Variants in CLEC16A observed in about 807,000 individuals in gnomAD.
CLEC16A encodes protein CLEC16A.
Under a neutral mutation model 109.5 loss-of-function variants are expected in CLEC16A, and 51 were observed. The ratio of observed to expected loss-of-function variants is 0.47; its 90% CI spans 0.37 to 0.59. The LOEUF is 0.59. Among genes scored for constraint, CLEC16A ranks in the 20% least tolerant of loss-of-function variants. The probability of loss-of-function intolerance (pLI) is 0.00; values close to 1 mark genes in which losing one functional copy is unlikely to be tolerated. For missense variants in CLEC16A, 1,339 were observed against 1,394.0 expected (o/e 0.96, Z 0.63); for synonymous variants, 673 against 564.2 (o/e 1.19, Z -2.73).
chr16:11,059,227 T>G (rs1017763924), intron 18 of CLEC16A, among the ~76,000 whole-genome samples: 3 of 152,230 alleles, frequency 2.0e-5, no homozygotes, highest in African/African-American at 7.2e-5. Flanking sequence ...TTTGAATTTT[T>G]TAATGGAACT....
At chr16:11,123,710 G>T in intron 20 of CLEC16A, 32 bp from the exon 21 acceptor site, 1 of 1,610,782 alleles carries the variant, frequency 6.2e-7, no homozygotes, top group Admixed American at 1.7e-5. Context: ...CAAACCCAAC[G>T]AATGCCTTTT....
At position 10,973,075 on chromosome 16, in the gene CLEC16A, C is replaced by A; in HGVS notation, c.728+14C>A. 6.3e-7 allele frequency: 1 copy of A among 1,592,986 alleles called. No homozygotes were observed. The highest frequency in any genetic ancestry group is 1.3e-5 in the African/African-American group (1 of 74,328). ...GACTGATGAGGAGTAAGTGACACCC[C>A]CAGGGCCACTCAGTAGATAGACAGG... is the stretch of plus-strand genomic sequence containing the variant. On this transcript the variant is annotated intron_variant, in intron 7 of 23. Coordinates refer to ENST00000409790, the MANE Select transcript of CLEC16A (RefSeq NM_015226.3).
intron 1 of CLEC16A, among the ~76,000 whole-genome samples, chr16:10,957,441 G>A (rs1379815240): frequency 1.3e-5 from 2 of 152,212 alleles, no homozygotes; most frequent in Admixed American, 1.3e-4. Flanking sequence ...TCTTCTCTCA[G>A]TCCTGCTGAA....
chr16:11,061,155 T>G, intron 19 of CLEC16A, 133 bp downstream of exon 19: 1 of 1,080,676 alleles, frequency 9.3e-7, no homozygotes, highest in South Asian at 2.1e-5. Flanking sequence ...GCTGTGACCT[T>G]GAGCCAGCGG....
chr16:11,117,093 G>A (rs867921338), intron 19 of CLEC16A, among the ~76,000 whole-genome samples: 3 of 152,186 alleles, frequency 2.0e-5, no homozygotes, highest in Non-Finnish European at 4.4e-5. Flanking sequence ...ACCAAATACC[G>A]CATGTTCTTA....
chr16:11,033,825 G>A (rs749943841), intron 13 of CLEC16A, among the ~76,000 whole-genome samples: 31 of 152,188 alleles, frequency 2.0e-4, no homozygotes, highest in African/African-American at 5.3e-4. Context: ...GGCGGAAGGC[G>A]CTTGTTGTGA....
chr16:10,976,346 CT>C (rs35062493), intron 7 of CLEC16A, among the ~76,000 whole-genome samples: 26 of 147,484 alleles, frequency 1.8e-4, no homozygotes, highest in Admixed American at 9.4e-4. Context: ...CTTGTTTTTA[CT>C]TTTTTTTTTT....
At chr16:10,957,660 T>G (rs2042053428) in intron 1 of CLEC16A, 122 bp from the exon 2 acceptor site, 1 of 966,648 alleles carries the variant, frequency 1.0e-6, no homozygotes, top group Non-Finnish European at 1.6e-6. Context: ...GAATGGGAAA[T>G]TGCATTACCC....
At chr16:11,020,409 G>A (rs1037924438) in intron 12 of CLEC16A, 84 bp downstream of exon 12, 41 of 1,429,056 alleles carry the variant, frequency 2.9e-5, no homozygotes, top group Non-Finnish European at 3.4e-5. Flanking sequence ...TAGGGCCAGA[G>A]CCTCTTCTGT....
In CLEC16A at chr16:11,178,918, G is replaced by A. The variant is rs200621718; in HGVS notation, c.*228G>A. The A allele has an allele frequency of 3.5e-5, 17 of 486,980 alleles. No homozygotes were observed. The highest frequency in any genetic ancestry group is 5.0e-4 in the Middle Eastern group (1 of 1,992). The allele number at this position is 486,980 out of a possible 1,614,324, so 30.2% of individuals were successfully genotyped here. Reference sequence around the variant, plus strand: ...GCAGGCTGGGACCAGCGGAGACACCGCGGCGAATGCAGATGACTGCACCGG... The same window carrying A: ...GCAGGCTGGGACCAGCGGAGACACCACGGCGAATGCAGATGACTGCACCGG... On this transcript the variant is annotated 3_prime_UTR_variant, in exon 24 of 24. Coordinates refer to ENST00000409790, the MANE Select transcript of CLEC16A (RefSeq NM_015226.3). This position sits in a 1 kb window ranked among gnomAD's most constrained non-coding sequence, Gnocchi z 6.5.
At chr16:11,023,491 CTG>C (rs1418456129) in intron 12 of CLEC16A, among the ~76,000 whole-genome samples, 1 of 152,020 alleles carries the variant, frequency 6.6e-6, no homozygotes, top group African/African-American at 2.4e-5. Context: ...GGTGCCCCAT[CTG>C]GGGCTGTGGA....
At chr16:10,981,966 G>A (rs559079034) in intron 9 of CLEC16A, among the ~76,000 whole-genome samples, 1 of 152,218 alleles carries the variant, frequency 6.6e-6, no homozygotes, top group Admixed American at 6.5e-5. Flanking sequence ...GTCTGGGACA[G>A]CCTCCCTCCA....
chr16:11,119,991 A>T (rs2153023156), intron 19 of CLEC16A, among the ~76,000 whole-genome samples: 1 of 111,848 alleles, frequency 8.9e-6, no homozygotes, highest in South Asian at 3.0e-4. Flanking sequence ...TTTGTTTGAG[A>T]CGGAGTTTTG....
intron 10 of CLEC16A, among the ~76,000 whole-genome samples, chr16:10,993,220 AAT>A (rs143974097): frequency 1.7e-3 from 254 of 152,222 alleles, no homozygotes; most frequent in African/African-American, 5.8e-3. Flanking sequence ...TCTTCAAAAA[AAT>A]ACAAAAATTA....
At chr16:11,083,241 C>T (rs1344147242) in intron 19 of CLEC16A, among the ~76,000 whole-genome samples, 1 of 152,172 alleles carries the variant, frequency 6.6e-6, no homozygotes, top group African/African-American at 2.4e-5. Context: ...TGGCTCACTA[C>T]AGCATCAAAC....
chr16:11,181,385 C>T lies in CLEC16A; in HGVS notation c.*2695C>T, dbSNP rs199848762. On this transcript the variant is annotated 3_prime_UTR_variant, in exon 24 of 24. Coordinates refer to ENST00000409790, the MANE Select transcript of CLEC16A (RefSeq NM_015226.3). ...ATAGCCTCAGAGGTCTGAGGTCAGCCCCCACAGACCCATCCGGCCCGCCCC... is the reference window on the plus strand; with the variant it reads ...ATAGCCTCAGAGGTCTGAGGTCAGCTCCCACAGACCCATCCGGCCCGCCCC... 3 of 152,426 alleles carry T rather than the reference C, an allele frequency of 2.0e-5. No individual in the cohort carries two copies. In the East Asian group the frequency reaches 5.8e-4, roughly 29 times the overall value. The allele number at this position is 152,426 out of a possible 1,614,324, so 9.4% of individuals were successfully genotyped here. A position where few individuals can be genotyped will look rare whatever the true frequency, so the allele number is the denominator to read the frequency against.
intron 10 of CLEC16A, among the ~76,000 whole-genome samples, chr16:10,996,409 AG>A (rs2044329346): frequency 1.3e-5 from 2 of 152,182 alleles, no homozygotes; most frequent in African/African-American, 4.8e-5. Flanking sequence ...CACCAGCCCC[AG>A]GTGACCTAGG....
Position 10,962,514 on chromosome 16 carries a change from G to T in CLEC16A, c.269G>T (p.Gly90Val), listed in dbSNP as rs1449355983. Residue 90 changes from glycine (G) to valine (V), a missense_variant, in exon 3 of 24, where the codon GGC (glycine) becomes GTC (valine). Gly to Val is a moderately radical substitution (Grantham distance 109). Transcript: ENST00000409790. ...TTGAACATCTTGCGGCAAAAGTCGG[G>T]CCGTTACGTGTGCGTTCAGCTGCTG... ...FFLNILRQKS[G>V]RYVCVQLLQT... 4 of 1,613,772 alleles carry T rather than the reference G, an allele frequency of 2.5e-6. No individual in the cohort carries two copies. Among genetic ancestry groups the T allele is most frequent in the Non-Finnish European group, 3.4e-6 (4 of 1,179,880 alleles).
At chr16:11,113,353 A>AT (rs1567336116) in intron 19 of CLEC16A, among the ~76,000 whole-genome samples, 2 of 152,084 alleles carry the variant, frequency 1.3e-5, no homozygotes, top group African/African-American at 4.8e-5. Flanking sequence ...TAACATACCT[A>AT]TTTTCCCTTT....
Sources: gnomAD v4.1 joint callset for allele counts (sites outside exome capture counted in the v4.1 genomes callset) on GRCh38, gnomAD v4.1.1 for gene constraint, Gnocchi (gnomAD v3.1) non-coding constraint, MANE v1.5 for transcripts, NCBI Gene and HGNC (gene_info 2026-07-23, HGNC 2026-07-21) for gene names.